The following CPNE9 variants were observed in gnomAD, a reference collection of about 807,000 sequenced individuals.
CPNE9 encodes the protein copine family member 9, also known as copine-9.
In CPNE9, 59 loss-of-function variants were observed where a neutral mutation model predicts 83.0. The ratio of observed to expected loss-of-function variants is 0.71; its 90% CI spans 0.58 to 0.88. CPNE9 has a LOEUF of 0.88. CPNE9 is among the 40% of genes least tolerant of loss of function. CPNE9 has a pLI of 0.00. For synonymous variants in CPNE9, 256 were observed against 273.4 expected, an observed-to-expected ratio of 0.94 and a Z score of 0.63; for missense variants, 619 against 720.8, an observed-to-expected ratio of 0.86 and a Z score of 1.62.
chr3:9,716,122 C>T, intron 14 of CPNE9, 87 bp downstream of exon 14: 1 of 1,183,802 alleles, frequency 8.4e-7, no homozygotes, highest in Non-Finnish European at 1.2e-6. Flanking sequence ...TATGAATGGT[C>T]AGGGCCCAGT....
chr3:9,719,532 G>A (rs2076716105), intron 17 of CPNE9, among the ~76,000 whole-genome samples: 1 of 152,180 alleles, frequency 6.6e-6, no homozygotes, highest in Non-Finnish European at 1.5e-5. Flanking sequence ...ATCCCTGTAA[G>A]GTGGTGTCAT....
intron 17 of CPNE9, among the ~76,000 whole-genome samples, chr3:9,724,719 C>CCTATCTATCTAT (rs56320778): frequency 7.5e-5 from 11 of 146,936 alleles, no homozygotes; most frequent in East Asian, 4.1e-4. Flanking sequence ...ACATCAGGAT[C>CCTATCTATCTAT]CTATCTATCT....
intron 14 of CPNE9, among the ~76,000 whole-genome samples, chr3:9,716,295 C>T (rs1362358021): frequency 6.6e-6 from 1 of 152,132 alleles, no homozygotes; most frequent in Admixed American, 6.5e-5. Flanking sequence ...TCACTGGTGG[C>T]CCCAGTAACC....
At chr3:9,708,563 TC>T (rs111840845) in intron 7 of CPNE9, among the ~76,000 whole-genome samples, 139 of 152,302 alleles carry the variant, frequency 9.1e-4, no homozygotes, top group Middle Eastern at 3.4e-3. Context: ...AAGATGAAAA[TC>T]CCTGTTGACT....
rs768517181 is a variant in CPNE9 at position 9,726,070 on chromosome 3, G to A, written c.1344+19G>A. The A allele has an allele frequency of 5.3e-6, 8 of 1,512,290 alleles. No individual in the cohort carries two copies. The highest frequency in any genetic ancestry group is 7.2e-6 in the Non-Finnish European group (8 of 1,104,868). 93.7% of individuals were successfully genotyped at this position (1,512,290 alleles called of 1,614,324 possible). A position where few individuals can be genotyped will look rare whatever the true frequency, so the allele number is the denominator to read the frequency against. ...CGTCAGCGTGAGTCTGAGGAGGAGG[G>A]CTTGGCAGGGAGGAGTAATGTCAAT... On this transcript the variant is annotated intron_variant, in intron 18 of 20. Coordinates refer to ENST00000383832, the MANE Select transcript of CPNE9 (RefSeq NM_153635.3).
chr3:9,704,968 G>C lies in CPNE9; in HGVS notation c.234G>C (p.Glu78Asp), dbSNP rs756965363. The C allele has an allele frequency of 3.7e-6, 6 of 1,612,768 alleles. No individual in the cohort carries two copies. The African/African-American group carries it at 8.0e-5, about 22-fold the overall frequency. Residue 78 changes from glutamate (E) to aspartate (D), a missense_variant, in exon 4 of 21, where the codon GAG becomes GAC. Transcript: ENST00000383832. The surrounding 1 kb of genome is among the most constrained non-coding windows in gnomAD (Gnocchi z 7.1). ...VRKFVLDYFF[E>D]EKQNLRFDVY... ...AATTCGTCCTCGACTATTTCTTTGAGGAAAAGCAAAATCTGCGCTTCGATG... is the reference window on the plus strand; with the variant it reads ...AATTCGTCCTCGACTATTTCTTTGACGAAAAGCAAAATCTGCGCTTCGATG...
intron 7 of CPNE9, among the ~76,000 whole-genome samples, chr3:9,710,149 C>T (rs550756853): frequency 2.7e-5 from 4 of 148,110 alleles, no homozygotes; most frequent in Non-Finnish European, 4.5e-5. Context: ...TCCATCTCTA[C>T]AAAAAAAAAG....
At chr3:9,709,445 T>A (rs1485675872) in intron 7 of CPNE9, among the ~76,000 whole-genome samples, 1 of 147,916 alleles carries the variant, frequency 6.8e-6, no homozygotes, top group Non-Finnish European at 1.5e-5. Context: ...CTTGGCCCAC[T>A]GCAACCTCTG....
chr3:9,726,180 A>T (rs1302914969), intron 18 of CPNE9, 129 bp downstream of exon 18: 3 of 577,446 alleles, frequency 5.2e-6, no homozygotes, highest in African/African-American at 3.9e-5. Context: ...AAGACACAAG[A>T]CTCTTGGATT....
At chr3:9,725,611 T>C (rs2125475934) in intron 17 of CPNE9, among the ~76,000 whole-genome samples, 1 of 142,426 alleles carries the variant, frequency 7.0e-6, no homozygotes, top group Non-Finnish European at 1.5e-5. Context: ...TATGTATGTG[T>C]ATACATGTGT....
At chr3:9,706,151 GCTGGGGTTGCCC>G in intron 7 of CPNE9, 88 bp downstream of exon 7, 1 of 1,364,854 alleles carries the variant, frequency 7.3e-7, no homozygotes, top group Non-Finnish European at 1.0e-6. Flanking sequence ...AGAAGTGGAG[GCTGGGGTTGCCC>G]CTGGTCAGGA....
rs750711406 is a variant in CPNE9 at position 9,716,038 on chromosome 3, G to A, written c.884+3G>A. On this transcript the variant is annotated splice_donor_region_variant and intron_variant, in intron 14 of 20. Coordinates refer to ENST00000383832, the MANE Select transcript of CPNE9 (RefSeq NM_153635.3). ...TTTGTTGATTACATCAAGGGAGGGT[G>A]AGTCACAGGCCAAGCTCTGGGCTGA... 38 of 1,607,300 alleles carry A rather than the reference G, an allele frequency of 2.4e-5. No homozygotes were observed. In the East Asian group the frequency reaches 8.5e-4, roughly 36 times the overall value.
chr3:9,727,288 T>C (rs1006063187), intron 20 of CPNE9, 102 bp downstream of exon 20: 16 of 1,223,724 alleles, frequency 1.3e-5, no homozygotes, highest in South Asian at 7.2e-5. Flanking sequence ...TCCTACTTTT[T>C]TCCCCCGTCA....
In CPNE9 at chr3:9,704,879, C is replaced by A; in HGVS notation, c.157-12C>A. The A allele has an allele frequency of 6.2e-7, 1 of 1,609,840 alleles. No individual in the cohort carries two copies. The highest frequency in any genetic ancestry group is 8.5e-7 in the Non-Finnish European group (1 of 1,177,076). On this transcript the variant is annotated splice_polypyrimidine_tract_variant and intron_variant, in intron 3 of 20. Transcript: ENST00000383832. This position sits in a 1 kb window ranked among gnomAD's most constrained non-coding sequence, Gnocchi z 7.1. ...TGCACGTCCCACGCTGACCCTCCAC[C>A]CCCCTACCCAGTTCGGACGGACCGA...
intron 20 of CPNE9, 85 bp from the exon 21 acceptor site, chr3:9,729,422 G>A: frequency 6.7e-7 from 1 of 1,490,024 alleles, no homozygotes; most frequent in Non-Finnish European, 9.0e-7. Flanking sequence ...GAGATGCTGG[G>A]GATCAAAAAA....
chr3:9,711,348 G>T (rs367719503), intron 7 of CPNE9, among the ~76,000 whole-genome samples: 6 of 150,586 alleles, frequency 4.0e-5, no homozygotes, highest in Non-Finnish European at 8.8e-5. Context: ...CATTACAGGC[G>T]CCCGCCACCA....
At chr3:9,724,647 A>G (rs2076761522) in intron 17 of CPNE9, among the ~76,000 whole-genome samples, 1 of 152,030 alleles carries the variant, frequency 6.6e-6, no homozygotes, top group South Asian at 2.1e-4. Context: ...CTCCTCTTTC[A>G]TTTAGCCTTT....
chr3:9,715,100 C>A (rs1283676558), intron 11 of CPNE9, 145 bp downstream of exon 11: 1 of 908,552 alleles, frequency 1.1e-6, no homozygotes, highest in Non-Finnish European at 1.7e-6. Flanking sequence ...TACAACTGAT[C>A]CCCCCAATTG....
chr3:9,725,664 GTATA>G (rs1173002215), intron 17 of CPNE9, among the ~76,000 whole-genome samples: 1 of 91,566 alleles, frequency 1.1e-5, no homozygotes, highest in Non-Finnish European at 2.4e-5. Flanking sequence ...GTGTATATAT[GTATA>G]TATATGTGTA....
Sources: gnomAD v4.1 joint callset for allele counts (sites outside exome capture counted in the v4.1 genomes callset) on GRCh38, gnomAD v4.1.1 for gene constraint, Gnocchi (gnomAD v3.1) non-coding constraint, MANE v1.5 for transcripts, NCBI Gene and HGNC (gene_info 2026-07-23, HGNC 2026-07-21) for gene names.